Variants in PIAS1 observed in about 807,000 individuals in gnomAD.
The protein encoded by PIAS1 is E3 SUMO-protein ligase PIAS1.
Under a neutral mutation model 71.3 loss-of-function variants are expected in PIAS1, and 6 were observed. The ratio of observed to expected loss-of-function variants is 0.08; its 90% CI spans 0.05 to 0.17. PIAS1 has a LOEUF of 0.17. Ranked by LOEUF, PIAS1 falls within the 10% of genes least tolerant of loss-of-function variation. The pLI is 1.00. For missense variants in PIAS1, 555 were observed against 793.6 expected (o/e 0.70, Z 3.61); for synonymous variants, 303 against 292.9 (o/e 1.03, Z -0.35).
intron 7 of PIAS1, among the ~76,000 whole-genome samples, chr15:68,157,064 C>T (rs2092895345): frequency 6.6e-6 from 1 of 152,010 alleles, no homozygotes; most frequent in Non-Finnish European, 1.5e-5. Context: ...GTGATGAGTC[C>T]AAGGAGGAGT....
At chr15:68,078,011 C>T (rs948522208) in intron 1 of PIAS1, among the ~76,000 whole-genome samples, 2 of 152,188 alleles carry the variant, frequency 1.3e-5, no homozygotes, top group Non-Finnish European at 2.9e-5. Context: ...GTATACTGTT[C>T]ATTGTCTCTT....
chr15:68,095,658 G>A (rs2092368595), intron 2 of PIAS1, among the ~76,000 whole-genome samples: 1 of 151,342 alleles, frequency 6.6e-6, no homozygotes, highest in African/African-American at 2.4e-5. Context: ...AGCCTCCCAA[G>A]TAGCTGGGAC....
intron 8 of PIAS1, among the ~76,000 whole-genome samples, chr15:68,169,613 T>C (rs2092978635): frequency 6.6e-6 from 1 of 152,080 alleles, no homozygotes. Flanking sequence ...TCTCAAAAAA[T>C]ACAAAGATTA....
At chr15:68,125,548 T>G (rs552662551) in intron 2 of PIAS1, among the ~76,000 whole-genome samples, 1 of 152,342 alleles carries the variant, frequency 6.6e-6, no homozygotes, top group South Asian at 2.1e-4. Flanking sequence ...TGAAAATGTT[T>G]TATTCTATAC....
intron 2 of PIAS1, among the ~76,000 whole-genome samples, chr15:68,135,646 CG>C (rs2092726987): frequency 1.5e-5 from 1 of 65,134 alleles, no homozygotes; most frequent in Non-Finnish European, 4.4e-5. Context: ...CCCTCCCGGA[CG>C]GGGTGGCTGG....
At chr15:68,131,905 TA>T (rs1229506048) in intron 2 of PIAS1, among the ~76,000 whole-genome samples, 2 of 149,268 alleles carry the variant, frequency 1.3e-5, no homozygotes, top group East Asian at 2.0e-4. Flanking sequence ...TTTATTAGTT[TA>T]AAAAAAAAAT....
At chr15:68,182,425 A>AGTGT (rs10532167) in intron 12 of PIAS1, among the ~76,000 whole-genome samples, 2,048 of 123,290 alleles carry the variant, frequency 0.017, 80 homozygotes, top group African/African-American at 0.041. Flanking sequence ...AGTTACAGCT[A>AGTGT]GTGTGTGTGT....
At position 68,176,247 on chromosome 15, in the gene PIAS1, C is replaced by T. The variant is rs143815163; in HGVS notation, c.1301-227C>T. On this transcript the variant is annotated intron_variant, in intron 10 of 13. Coordinates refer to ENST00000249636, the MANE Select transcript of PIAS1 (RefSeq NM_016166.3). ...TTTCTTCTGAAGTGGACATATGACA[C>T]ATTTTGATTGTTTGCTCTAATTCAG... is the stretch of plus-strand genomic sequence containing the variant. 7.6e-4 allele frequency among the ~76,000 whole-genome samples: 115 copies of T among 152,186 alleles called. 1 individual carries two copies. The highest frequency in any genetic ancestry group is 2.6e-3 in the African/African-American group (109 of 41,520).
intron 11 of PIAS1, among the ~76,000 whole-genome samples, chr15:68,180,968 G>A (rs2093050391): frequency 6.6e-6 from 1 of 152,178 alleles, no homozygotes; most frequent in African/African-American, 2.4e-5. Flanking sequence ...GCAATGTGAG[G>A]TTTGTGAATG....
Position 68,136,226 on chromosome 15 carries a change from G to C in PIAS1, c.470-5720G>C, listed in dbSNP as rs1309309325. Among the ~76,000 whole-genome samples the C allele has an allele frequency of 3.8e-5, 2 of 52,662 alleles. 1 individual carries two copies. Among genetic ancestry groups the C allele is most frequent in the East Asian group, 1.0e-3 (2 of 1,934 alleles). 34.5% of individuals were successfully genotyped at this position (52,662 alleles called of 152,430 possible). A position where few individuals can be genotyped will look rare whatever the true frequency, so the allele number is the denominator to read the frequency against. ...GCGGCCGGGCAGAGGCTGCAATCTCGGCACTTTGGGAGGCCAAGGCAGGCG... is the reference window on the plus strand; with the variant it reads ...GCGGCCGGGCAGAGGCTGCAATCTCCGCACTTTGGGAGGCCAAGGCAGGCG... On this transcript the variant is annotated intron_variant, in intron 2 of 13. Coordinates refer to ENST00000249636, the MANE Select transcript of PIAS1 (RefSeq NM_016166.3).
intron 11 of PIAS1, among the ~76,000 whole-genome samples, chr15:68,180,171 G>A (rs370049046): frequency 2.0e-5 from 3 of 151,980 alleles, no homozygotes; most frequent in African/African-American, 4.8e-5. Flanking sequence ...GTGCAATCAC[G>A]GCTCATGCAG....
chr15:68,118,003 C>T lies in PIAS1; in HGVS notation c.470-23943C>T, dbSNP rs550863505. ...TTAAGGGTTCCCTGTTCTCCTTATC[C>T]TTACCAACACTTGTCTTCTGGTTTT... On this transcript the variant is annotated intron_variant, in intron 2 of 13. Transcript: ENST00000249636. Among the ~76,000 whole-genome samples the T allele has an allele frequency of 5.9e-5, 9 of 152,280 alleles. No homozygotes were observed. In the South Asian group the frequency reaches 1.9e-3, roughly 32 times the overall value.
At chr15:68,055,195 T>C in intron 1 of PIAS1, 1 of 985,546 alleles carries the variant, frequency 1.0e-6, no homozygotes, top group Non-Finnish European at 1.2e-6. Context: ...TGGGGGTCTC[T>C]GCACACACCA....
intron 1 of PIAS1, among the ~76,000 whole-genome samples, chr15:68,068,315 G>A (rs1318518193): frequency 6.6e-6 from 1 of 152,172 alleles, no homozygotes; most frequent in African/African-American, 2.4e-5. Context: ...GCTGTAGTGA[G>A]CTGTGATGGC....
At position 68,054,476 on chromosome 15, in the gene PIAS1, GGA is replaced by G; in HGVS notation, c.24+132_24+133del. On this transcript the variant is annotated intron_variant, in intron 1 of 13. Coordinates refer to ENST00000249636, the MANE Select transcript of PIAS1 (RefSeq NM_016166.3). This position sits in a 1 kb window ranked among gnomAD's most constrained non-coding sequence, Gnocchi z 4.6. ...ACTCCACCCGGGCCTGGAGTTGTAG[GGA>G]GAGAGGCGCGCCCGGTCTCAGCAGA... is the stretch of plus-strand genomic sequence containing the variant. 1.0e-6 allele frequency: 1 copy of G among 1,004,444 alleles called. No homozygotes were observed. Among genetic ancestry groups the G allele is most frequent in the African/African-American group, 1.7e-5 (1 of 59,678 alleles). The allele number at this position is 1,004,444 out of a possible 1,614,324, so 62.2% of individuals were successfully genotyped here.
rs918348704 is a variant in PIAS1, at chr15:68,173,305, C to T, written c.1009-427C>T. 3.3e-5 allele frequency among the ~76,000 whole-genome samples: 5 copies of T among 151,676 alleles called. No individual in the cohort carries two copies. Among genetic ancestry groups the T allele is most frequent in the African/African-American group, 1.2e-4 (5 of 41,240 alleles). On this transcript the variant is annotated intron_variant, in intron 8 of 13. Coordinates refer to ENST00000249636, the MANE Select transcript of PIAS1 (RefSeq NM_016166.3). This position sits in a 1 kb window ranked among gnomAD's most constrained non-coding sequence, Gnocchi z 4.3. ...AGGAGTTTGAGGCTGTAGTGTGCTACGATTGTGCCTGTGAATAAGAGTTGG... is the reference window on the plus strand; with the variant it reads ...AGGAGTTTGAGGCTGTAGTGTGCTATGATTGTGCCTGTGAATAAGAGTTGG...
intron 2 of PIAS1, among the ~76,000 whole-genome samples, chr15:68,114,057 CACACTT>C (rs58324180): frequency 0.028 from 3,156 of 114,294 alleles, 88 homozygotes; most frequent in African/African-American, 0.066. Context: ...CACACACACA[CACACTT>C]ATATACATGT....
At chr15:68,132,728 C>A (rs2092696552) in intron 2 of PIAS1, among the ~76,000 whole-genome samples, 1 of 151,998 alleles carries the variant, frequency 6.6e-6, no homozygotes, top group Non-Finnish European at 1.5e-5. Flanking sequence ...CAAAATAGAG[C>A]TTAGAAGAAC....
intron 1 of PIAS1, among the ~76,000 whole-genome samples, chr15:68,083,451 C>T (rs2092248111): frequency 6.6e-6 from 1 of 152,096 alleles, no homozygotes; most frequent in Admixed American, 6.6e-5. Flanking sequence ...TTATAAGTTG[C>T]AATGGTTAAT....
Sources: allele counts gnomAD v4.1 joint callset (sites outside exome capture counted in the v4.1 genomes callset), GRCh38; gene constraint gnomAD v4.1.1; non-coding constraint Gnocchi (gnomAD v3.1); transcripts MANE v1.5; gene names NCBI Gene and HGNC (gene_info 2026-07-23, HGNC 2026-07-21).